The following C6orf118 variants were observed in gnomAD, a reference collection of about 807,000 sequenced individuals.
C6orf118 encodes the protein chromosome 6 open reading frame 118.
C6orf118 carries 50 observed loss-of-function variants against 50.2 expected under a neutral mutation model. The ratio of observed to expected loss-of-function variants is 1.00; its 90% confidence interval spans 0.79 to 1.26. The LOEUF is 1.26. Ranked by LOEUF, C6orf118 falls within the 50% of genes most tolerant of loss-of-function variation. The pLI, the probability that C6orf118 is intolerant of heterozygous loss-of-function variation, is 0.00. For synonymous variants in C6orf118, 239 were observed against 230.9 expected (o/e 1.03, Z -0.32); for missense variants, 641 against 578.7 (o/e 1.11, Z -1.10).
chr6:165,293,130 C>A (rs985593252), intron 6 of C6orf118: 5 of 364,616 alleles, frequency 1.4e-5, no homozygotes, highest in South Asian at 1.0e-4. Flanking sequence ...ATGTTAATAT[C>A]TATTTCATAA....
At chr6:165,303,077 T>C (rs779766054) in intron 1 of C6orf118, among the ~76,000 whole-genome samples, 3 of 152,222 alleles carry the variant, frequency 2.0e-5, no homozygotes, top group African/African-American at 4.8e-5. Flanking sequence ...AGAGTTTCTT[T>C]CTGGGACACT....
At chr6:165,287,906 T>C (rs558983640) in intron 7 of C6orf118, among the ~76,000 whole-genome samples, 1 of 152,260 alleles carries the variant, frequency 6.6e-6, no homozygotes, top group East Asian at 1.9e-4. Context: ...TGAAAAGCAA[T>C]TGCAACAAAA....
intron 7 of C6orf118, chr6:165,281,919 T>C (rs1351748002): frequency 3.5e-6 from 1 of 288,582 alleles, no homozygotes; most frequent in African/African-American, 2.2e-5. Flanking sequence ...GAAATTGATG[T>C]TTCAAAATAT....
In C6orf118 at chr6:165,299,798, C is replaced by T. The variant is rs1009699486; in HGVS notation, c.877-296G>A. Among the ~76,000 whole-genome samples the T allele has an allele frequency of 6.6e-5, 10 of 152,296 alleles. No homozygotes were observed. The South Asian group carries it at 2.1e-3, about 32-fold the overall frequency. ...CCTCCCGGTTCAAGCGATTCTCCTG[C>T]CTCAGCCTCTGAGTAGCTGGGATTA... On this transcript the variant is annotated intron_variant, in intron 3 of 8. Transcript: ENST00000230301.
intron 3 of C6orf118, 143 bp from the exon 4 acceptor site, chr6:165,299,645 A>G (rs909776721): frequency 2.1e-4 from 129 of 620,794 alleles, no homozygotes; most frequent in Admixed American, 3.2e-4. Context: ...CAATGCATTA[A>G]ACGGTATACA....
At chr6:165,280,425 T>A (rs1054861714) in intron 8 of C6orf118, among the ~76,000 whole-genome samples, 5 of 152,142 alleles carry the variant, frequency 3.3e-5, no homozygotes, top group African/African-American at 1.2e-4. Context: ...CTTCCCCAGT[T>A]TTGTATTTGT....
intron 6 of C6orf118, among the ~76,000 whole-genome samples, chr6:165,292,367 A>G (rs1264188880): frequency 6.6e-6 from 1 of 152,202 alleles, no homozygotes; most frequent in Non-Finnish European, 1.5e-5. Context: ...TTCCATCGCA[A>G]TGAAAGGGTG....
intron 7 of C6orf118, 111 bp from the exon 8 acceptor site, chr6:165,281,804 A>G: frequency 1.8e-6 from 1 of 567,458 alleles, no homozygotes; most frequent in Non-Finnish European, 2.9e-6. Context: ...AAGAGTACTC[A>G]ATAGCACATT....
intron 5 of C6orf118, among the ~76,000 whole-genome samples, chr6:165,294,002 T>C (rs1780198157): frequency 6.6e-6 from 1 of 152,046 alleles, no homozygotes; most frequent in Admixed American, 6.6e-5. Flanking sequence ...ATCTCAGCAC[T>C]TTGGGAGGCT....
At chr6:165,296,747 G>A (rs1396196735) in intron 5 of C6orf118, among the ~76,000 whole-genome samples, 7 of 152,132 alleles carry the variant, frequency 4.6e-5, no homozygotes, top group Non-Finnish European at 7.3e-5. Flanking sequence ...TGAGAGGTAC[G>A]CTGCCTTCTT....
chr6:165,291,821 A>G (rs1005510322), intron 6 of C6orf118, among the ~76,000 whole-genome samples: 1 of 152,234 alleles, frequency 6.6e-6, no homozygotes, highest in Non-Finnish European at 1.5e-5. Context: ...TATACTAATT[A>G]GAGTGGTGAG....
At chr6:165,292,259 C>T (rs573854401) in intron 6 of C6orf118, among the ~76,000 whole-genome samples, 2 of 152,110 alleles carry the variant, frequency 1.3e-5, no homozygotes, top group African/African-American at 4.8e-5. Flanking sequence ...AAAATGGGGA[C>T]ATTCCACAGC....
chr6:165,299,706 G>A (rs1368920679), intron 3 of C6orf118, among the ~76,000 whole-genome samples: 1 of 152,176 alleles, frequency 6.6e-6, no homozygotes, highest in Non-Finnish European at 1.5e-5. Flanking sequence ...TGAGCATTAA[G>A]TATTGATTAC....
chr6:165,283,560 G>C (rs1022136280), intron 7 of C6orf118, among the ~76,000 whole-genome samples: 1 of 152,160 alleles, frequency 6.6e-6, no homozygotes. Flanking sequence ...TTATACAAAA[G>C]CGTTTCTGTT....
At chr6:165,287,406 C>A (rs1562323686) in intron 7 of C6orf118, among the ~76,000 whole-genome samples, 1 of 152,134 alleles carries the variant, frequency 6.6e-6, no homozygotes, top group East Asian at 1.9e-4. Flanking sequence ...CATTGACATT[C>A]TCCACATTAC....
In C6orf118 at chr6:165,280,065, T is replaced by C. The variant is rs1407231685; in HGVS notation, c.1402A>G (p.Arg468Gly). ...GTTCAGCCACTTGAGCGTTATCTTCTGTTTCCTCTGATTTTACAAATTCCT... is the reference window on the plus strand; with the variant it reads ...GTTCAGCCACTTGAGCGTTATCTTCCGTTTCCTCTGATTTTACAAATTCCT... ...YQGICKIRGNRR is the reference protein window; with the variant it reads ...YQGICKIRGNGR Residue 468 changes from arginine (R) to glycine (G), a missense_variant, in exon 9 of 9, where the codon AGA (arginine) becomes GGA (glycine). By Grantham distance (125) the Arg-to-Gly change is moderately radical (BLOSUM62 -2). Coordinates refer to ENST00000230301, the MANE Select transcript of C6orf118 (RefSeq NM_144980.4). 1.2e-6 allele frequency: 2 copies of C among 1,607,270 alleles called. No homozygotes were observed. The highest frequency in any genetic ancestry group is 1.7e-6 in the Non-Finnish European group (2 of 1,178,388).
In C6orf118 at chr6:165,301,934, T is replaced by C. The variant is rs763633813; in HGVS notation, c.388A>G (p.Arg130Gly). The C allele has an allele frequency of 2.5e-6, 4 of 1,613,854 alleles. No individual in the cohort carries two copies. The South Asian group carries it at 3.3e-5, about 13-fold the overall frequency. Residue 130 changes from arginine to glycine, a missense_variant, in exon 2 of 9, where the codon AGG becomes GGG. Arg to Gly is a moderately radical substitution (Grantham distance 125, BLOSUM62 -2). Transcript: ENST00000230301. The part of the protein sequence containing the change: ...PSEAQDTPLF[R>G]YLNPQASLSH... ...AGAGAGGCCTGGGGGTTCAGGTACCTGAACAGCGGGGTGTCCTGGGCCTCA... is the reference window on the plus strand; with the variant it reads ...AGAGAGGCCTGGGGGTTCAGGTACCCGAACAGCGGGGTGTCCTGGGCCTCA...
intron 6 of C6orf118, among the ~76,000 whole-genome samples, chr6:165,292,314 T>G (rs958150417): frequency 6.6e-6 from 1 of 152,088 alleles, no homozygotes; most frequent in Non-Finnish European, 1.5e-5. Context: ...TAGAAAGCTT[T>G]GGGAAAATAA....
chr6:165,302,411 A>G (rs930647550), intron 1 of C6orf118, 115 bp from the exon 2 acceptor site: 4 of 1,275,540 alleles, frequency 3.1e-6, no homozygotes, highest in African/African-American at 1.5e-5. Context: ...ATGGAGAAAC[A>G]GACGAACAGA....
Sources: gnomAD v4.1 joint callset for allele counts (sites outside exome capture counted in the v4.1 genomes callset) on GRCh38, gnomAD v4.1.1 for gene constraint, MANE v1.5 for transcripts, NCBI Gene and HGNC (gene_info 2026-07-23, HGNC 2026-07-21) for gene names.